Variants in ABCD2 observed in about 807,000 individuals in gnomAD.
The protein encoded by ABCD2 is ATP-binding cassette sub-family D member 2.
Under a neutral mutation model 70.9 loss-of-function variants are expected in ABCD2, and 36 were observed. The observed-to-expected ratio is 0.51, with a 90% confidence interval of 0.39 to 0.67. The LOEUF is 0.67. Among genes scored for constraint, ABCD2 ranks in the 30% least tolerant of loss-of-function variants. The pLI is 0.00. For missense variants in ABCD2, 729 were observed against 890.2 expected (o/e 0.82, Z 2.30); for synonymous variants, 304 against 306.9 (o/e 0.99, Z 0.10).
Position 39,573,716 on chromosome 12 carries a change from CA to C in ABCD2, c.2002del (p.Trp668GlyfsTer27). Reference protein sequence around the residue: ...LLSITHRPSLWKYHTHLLQFD... With the variant: ...LLSITHRPSLXKYHTHLLQFD... ...ACAAATTAGCACTAGAAACACTTAC[CA>C]AAGAGAAGGTCTGTGTGTTATAGAC... On this transcript the variant is annotated frameshift_variant and splice_region_variant, in exon 9 of 10. Coordinates refer to ENST00000308666, the MANE Select transcript of ABCD2 (RefSeq NM_005164.4). LOFTEE classifies it high-confidence loss of function. The C allele has an allele frequency of 6.2e-7, 1 of 1,600,604 alleles. No individual in the cohort carries two copies. The highest frequency in any genetic ancestry group is 8.5e-7 in the Non-Finnish European group (1 of 1,174,658).
intron 6 of ABCD2, among the ~76,000 whole-genome samples, chr12:39,593,247 T>C (rs1158586395): frequency 1.3e-5 from 2 of 152,084 alleles, no homozygotes; most frequent in African/African-American, 2.4e-5. Flanking sequence ...TATTTTTTTG[T>C]TTTATTTTTA....
chr12:39,582,744 G>A (rs774640692), intron 7 of ABCD2, among the ~76,000 whole-genome samples: 11 of 152,076 alleles, frequency 7.2e-5, no homozygotes, highest in Non-Finnish European at 1.6e-4. Flanking sequence ...TTTGTTTATT[G>A]TAAGGATCAA....
In ABCD2 at chr12:39,553,864, C is replaced by T. The variant is rs200418484; in HGVS notation, c.*48G>A. On this transcript the variant is annotated 3_prime_UTR_variant, in exon 10 of 10. Coordinates refer to ENST00000308666, the MANE Select transcript of ABCD2 (RefSeq NM_005164.4). ...TACTTCATGCAGTATAACAGAATGT[C>T]TTTGAGCCTTTATCTAATAATTAAC... 1.3e-5 allele frequency: 18 copies of T among 1,391,578 alleles called. No individual in the cohort carries two copies. Among genetic ancestry groups the T allele is most frequent in the Middle Eastern group, 2.1e-4 (1 of 4,710 alleles). 86.2% of individuals were successfully genotyped at this position (1,391,578 alleles called of 1,614,324 possible).
At chr12:39,568,460 C>T (rs1381036991) in intron 9 of ABCD2, among the ~76,000 whole-genome samples, 2 of 152,172 alleles carry the variant, frequency 1.3e-5, no homozygotes, top group Non-Finnish European at 2.9e-5. Flanking sequence ...ATTCTCGTGC[C>T]ATGGTTTTCA....
the ABCD2 span, among the ~76,000 whole-genome samples, chr12:39,533,560 T>C: frequency 1.3e-5 from 2 of 152,196 alleles, no homozygotes; most frequent in Non-Finnish European, 2.9e-5. Flanking sequence ...AAAAACAACC[T>C]ATTCACATTT....
At chr12:39,607,760 T>G (rs897900897) in intron 2 of ABCD2, 46 bp from the exon 3 acceptor site, 1 of 1,337,548 alleles carries the variant, frequency 7.5e-7, no homozygotes, top group African/African-American at 1.5e-5. Context: ...TTTTTTTTTT[T>G]TTTTTAGTAA....
chr12:39,549,243 A>C (rs536371044), downstream of ABCD2, among the ~76,000 whole-genome samples: 27 of 152,128 alleles, frequency 1.8e-4, no homozygotes, highest in South Asian at 5.4e-3. Flanking sequence ...TGTATTATTG[A>C]GGGAATCCTG....
At position 39,600,742 on chromosome 12, in the gene ABCD2, C is replaced by T. The variant is rs757968850; in HGVS notation, c.1501-26G>A. 2.5e-6 allele frequency: 4 copies of T among 1,568,794 alleles called. No individual in the cohort carries two copies. The South Asian group carries it at 4.7e-5, about 18-fold the overall frequency. On this transcript the variant is annotated intron_variant, in intron 5 of 9. Coordinates refer to ENST00000308666, the MANE Select transcript of ABCD2 (RefSeq NM_005164.4). ...CTAAAGTAAGAAATAAAATTACAAACTGCAATAGTTTAAAATGATTTATTT... is the reference window on the plus strand; with the variant it reads ...CTAAAGTAAGAAATAAAATTACAAATTGCAATAGTTTAAAATGATTTATTT...
At chr12:39,531,123 C>T in the ABCD2 span, among the ~76,000 whole-genome samples, 4 of 152,090 alleles carry the variant, frequency 2.6e-5, no homozygotes, top group African/African-American at 7.2e-5. Context: ...GGGATACCGC[C>T]GTGAACAAAA....
chr12:39,587,323 T>C (rs1941679604), intron 6 of ABCD2, among the ~76,000 whole-genome samples: 1 of 152,126 alleles, frequency 6.6e-6, no homozygotes, highest in South Asian at 2.1e-4. Flanking sequence ...TACAGCAGGG[T>C]TTCTCAACAA....
the ABCD2 span, among the ~76,000 whole-genome samples, chr12:39,537,644 G>A: frequency 2.6e-5 from 4 of 152,184 alleles, no homozygotes; most frequent in Non-Finnish European, 5.9e-5. Context: ...TAGCAATAAT[G>A]CTAGCTGAGT....
downstream of ABCD2, chr12:39,549,897 C>A (rs565970787): frequency 5.3e-5 from 8 of 151,740 alleles, no homozygotes; most frequent in Non-Finnish European, 1.0e-4. Context: ...TTTGTTTATA[C>A]CCTACAAAGA....
chr12:39,537,705 C>A, the ABCD2 span, among the ~76,000 whole-genome samples: 3 of 152,112 alleles, frequency 2.0e-5, no homozygotes, highest in Non-Finnish European at 4.4e-5. Flanking sequence ...TAGGAAACAA[C>A]CAAAAGTCCA....
chr12:39,607,753 T>TG, intron 2 of ABCD2, 39 bp from the exon 3 acceptor site: 1 of 1,344,638 alleles, frequency 7.4e-7, no homozygotes, highest in South Asian at 1.3e-5. Context: ...GAGTTTTTTT[T>TG]TTTTTTTTTT....
chr12:39,531,403 G>A, the ABCD2 span, among the ~76,000 whole-genome samples: 1 of 152,186 alleles, frequency 6.6e-6, no homozygotes, highest in East Asian at 1.9e-4. Flanking sequence ...CCTTAAGAAG[G>A]AGGCTTGAGG....
chr12:39,533,194 A>G, the ABCD2 span, among the ~76,000 whole-genome samples: 3 of 152,110 alleles, frequency 2.0e-5, no homozygotes, highest in Non-Finnish European at 4.4e-5. Context: ...AAACAAAAAA[A>G]GAAAATAGAG....
the ABCD2 span, among the ~76,000 whole-genome samples, chr12:39,534,948 G>GA: frequency 1.5e-5 from 2 of 133,384 alleles, no homozygotes; most frequent in Non-Finnish European, 3.2e-5. Context: ...AAGAAAGAAA[G>GA]AAAACAAAGA....
At chr12:39,566,061 G>A (rs2120565059) in intron 9 of ABCD2, among the ~76,000 whole-genome samples, 1 of 152,306 alleles carries the variant, frequency 6.6e-6, no homozygotes, top group South Asian at 2.1e-4. Flanking sequence ...TTGCATCAAT[G>A]TTCATCTGGG....
In ABCD2 at chr12:39,619,037, A is replaced by G. The variant is rs1942155770; in HGVS notation, c.579T>C (p.Tyr193=). Residue 193 remains tyrosine (Y), a synonymous_variant, in exon 1 of 10, where the codon TAT becomes TAC. Coordinates refer to ENST00000308666, the MANE Select transcript of ABCD2 (RefSeq NM_005164.4). The stretch of plus-strand genomic sequence containing the variant: ...TCCCATCCATATTGATCACTTTATA[A>G]TAAGTCTGATTTGTAAAATAGGTTT... ...AYETYFTNQT[Y]YKVINMDGRL... The G allele has an allele frequency of 6.2e-7, 1 of 1,614,202 alleles. No individual in the cohort carries two copies. Among genetic ancestry groups the G allele is most frequent in the Non-Finnish European group, 8.5e-7 (1 of 1,180,034 alleles).
Sources: gnomAD v4.1 joint callset for allele counts (sites outside exome capture counted in the v4.1 genomes callset) on GRCh38, gnomAD v4.1.1 for gene constraint, MANE v1.5 for transcripts, NCBI Gene and HGNC (gene_info 2026-07-23, HGNC 2026-07-21) for gene names.